The following FRAS1 variants were observed in gnomAD, a reference collection of about 807,000 sequenced individuals.
FRAS1 encodes Fraser extracellular matrix complex subunit 1, also known as extracellular matrix organizing protein FRAS1.
A neutral mutation model predicts 435.2 loss-of-function variants in FRAS1; 290 were observed. That is an observed-to-expected ratio of 0.67 (90% CI 0.61 to 0.73). The LOEUF (loss-of-function observed/expected upper bound fraction) is 0.73, where lower values mean the gene tolerates loss of function less well. Among genes scored for constraint, FRAS1 ranks in the 30% least tolerant of loss-of-function variants. The pLI is 0.00. For synonymous variants in FRAS1, 1,800 were observed against 1,851.0 expected (o/e 0.97, Z 0.71); for missense variants, 4,860 against 5,001.5 (o/e 0.97, Z 0.85).
chr4:78,526,547 C>G lies in FRAS1; in HGVS notation c.10815C>G (p.Asp3605Glu). 1 of 1,586,318 alleles carries G rather than the reference C, an allele frequency of 6.3e-7. No individual in the cohort carries two copies. The highest frequency in any genetic ancestry group is 1.2e-5 in the South Asian group (1 of 86,222). ...WRATSSYNRK[D>E]YSGEYTIYLI... ...CTGCTCTGCATGTTTCCAGGAAGGA[C>G]TACTCAGGAGAGTACACCATCTACC... Residue 3605 changes from aspartate to glutamate, a missense_variant, in exon 70 of 74, where the codon GAC (aspartate) becomes GAG (glutamate). Coordinates refer to ENST00000512123, the MANE Select transcript of FRAS1 (RefSeq NM_025074.7).
chr4:78,542,424 C>T lies in FRAS1; in HGVS notation c.*1300C>T, dbSNP rs1405324526. On this transcript the variant is annotated 3_prime_UTR_variant, in exon 74 of 74. Transcript: ENST00000512123. Reference sequence around the variant, plus strand: ...TCTGCCTTATTGGCGGAAACATAAGCGTGCATGCCATGTTGTTTTGAATTG... The same window carrying T: ...TCTGCCTTATTGGCGGAAACATAAGTGTGCATGCCATGTTGTTTTGAATTG... The T allele has an allele frequency of 6.6e-6, 1 of 152,548 alleles. No individual in the cohort carries two copies. The highest frequency in any genetic ancestry group is 2.1e-4 in the South Asian group (1 of 4,826). The allele number at this position is 152,548 out of a possible 1,614,324, so 9.4% of individuals were successfully genotyped here.
rs1432094463 is a variant in FRAS1, at chr4:78,475,420, C to T, written c.7683-18C>T. The T allele has an allele frequency of 6.2e-7, 1 of 1,613,754 alleles. No individual in the cohort carries two copies. ...CCATGGGGCATAGTTTAAGAGATGC[C>T]TTTTTGTGTGCTTCCAGCTACAATG... On this transcript the variant is annotated intron_variant, in intron 53 of 73. Transcript: ENST00000512123.
chr4:78,264,133 G>T (rs1195825391), intron 6 of FRAS1, among the ~76,000 whole-genome samples: 1 of 152,132 alleles, frequency 6.6e-6, no homozygotes, highest in Non-Finnish European at 1.5e-5. Flanking sequence ...CATTTCCTCT[G>T]CCTTTCATGT....
chr4:78,343,185 G>A (rs1311597449), intron 20 of FRAS1, among the ~76,000 whole-genome samples: 1 of 152,188 alleles, frequency 6.6e-6, no homozygotes, highest in Non-Finnish European at 1.5e-5. Context: ...AAATGCATAT[G>A]TGTGCTGTGA....
At chr4:78,482,698 A>T (rs1005645241) in intron 58 of FRAS1, among the ~76,000 whole-genome samples, 163 bp downstream of exon 58, 1 of 152,222 alleles carries the variant, frequency 6.6e-6, no homozygotes, top group African/African-American at 2.4e-5. Flanking sequence ...CAGAGTATGT[A>T]GATGTGAGAG....
intron 69 of FRAS1, among the ~76,000 whole-genome samples, chr4:78,524,860 AG>A (rs1307180539): frequency 2.6e-5 from 4 of 152,192 alleles, no homozygotes; most frequent in Non-Finnish European, 2.9e-5. Flanking sequence ...GAGCAGGGTA[AG>A]GGGAGACAGA....
At chr4:78,409,856 A>G (rs1733264564) in intron 31 of FRAS1, among the ~76,000 whole-genome samples, 1 of 152,212 alleles carries the variant, frequency 6.6e-6, no homozygotes, top group Non-Finnish European at 1.5e-5. Flanking sequence ...ATGATCATCC[A>G]TTCTGCTTCT....
intron 15 of FRAS1, among the ~76,000 whole-genome samples, chr4:78,311,108 A>ATAATAAATCAAAGCG (rs914244369): frequency 1.3e-5 from 2 of 152,230 alleles, no homozygotes; most frequent in Non-Finnish European, 2.9e-5. Context: ...TGCAGCTAAC[A>ATAATAAATCAAAGCG]TAATAAATCA....
rs533969293 is a variant in FRAS1 at position 78,163,170 on chromosome 4, C to T, written c.109-74340C>T. 5.3e-5 allele frequency among the ~76,000 whole-genome samples: 8 copies of T among 152,320 alleles called. No homozygotes were observed. The South Asian group carries it at 1.7e-3, about 32-fold the overall frequency. ...AAAGACATTGGTCTTTTAGTGGAGG[C>T]TGTTGGAACATTGCCAAACTCTTAT... On this transcript the variant is annotated intron_variant, in intron 2 of 73. Coordinates refer to ENST00000512123, the MANE Select transcript of FRAS1 (RefSeq NM_025074.7).
chr4:78,327,798 T>C (rs1021692368), intron 18 of FRAS1, among the ~76,000 whole-genome samples: 6 of 152,312 alleles, frequency 3.9e-5, no homozygotes, highest in East Asian at 3.9e-4. Context: ...TTCCACAGAA[T>C]GATTAAGCCT....
intron 24 of FRAS1, 125 bp downstream of exon 24, chr4:78,372,983 T>C (rs1731576402): frequency 9.5e-7 from 1 of 1,049,560 alleles, no homozygotes; most frequent in Admixed American, 2.7e-5. Context: ...CTGGTTTCTT[T>C]CCTAAGAGCT....
In FRAS1 at chr4:78,536,998, A is replaced by G. The variant is rs1721905790; in HGVS notation, c.11096A>G (p.Gln3699Arg). 6.2e-7 allele frequency: 1 copy of G among 1,613,614 alleles called. No individual in the cohort carries two copies. Among genetic ancestry groups the G allele is most frequent in the Non-Finnish European group, 8.5e-7 (1 of 1,179,602 alleles). ...MDYKGAFSKG[Q>R]ILYGRVLWNP... is the part of the protein sequence containing the mutation. ...TAATACCTTTCAATCTTTTCAGGTCAAATCCTTTATGGCCGAGTACTTTGG... is the reference window on the plus strand; with the variant it reads ...TAATACCTTTCAATCTTTTCAGGTCGAATCCTTTATGGCCGAGTACTTTGG... Residue 3699 changes from glutamine to arginine, a missense_variant, in exon 72 of 74, where the codon CAA (glutamine) becomes CGA (arginine). Transcript: ENST00000512123.
rs371333763 is a variant in FRAS1 at position 78,537,155 on chromosome 4, A to G, written c.11253A>G (p.Gly3751=). Residue 3751 remains glycine (G), a synonymous_variant, in exon 72 of 74, where the codon GGA becomes GGG. Transcript: ENST00000512123. The part of the protein sequence containing the change: ...GTIYNEGPQY[G]CIQPNKHLKH... ...TCTACAATGAAGGGCCCCAGTATGG[A>G]TGCATTCAGCCAAACAAACACCTAA... is the stretch of plus-strand genomic sequence containing the variant. The G allele has an allele frequency of 6.0e-5, 97 of 1,613,900 alleles. No individual in the cohort carries two copies. The highest frequency in any genetic ancestry group is 7.8e-5 in the Non-Finnish European group (92 of 1,179,898).
chr4:78,105,754 C>T (rs1194384280), intron 2 of FRAS1, among the ~76,000 whole-genome samples: 1 of 151,892 alleles, frequency 6.6e-6, no homozygotes, highest in African/African-American at 2.4e-5. Flanking sequence ...GCCAAGATGG[C>T]CGAATAGGAA....
At chr4:78,499,228 C>A (rs1720604236) in intron 60 of FRAS1, among the ~76,000 whole-genome samples, 1 of 151,822 alleles carries the variant, frequency 6.6e-6, no homozygotes, top group African/African-American at 2.4e-5. Flanking sequence ...AGGAGGGGGT[C>A]CAAAGGACCA....
intron 66 of FRAS1, among the ~76,000 whole-genome samples, chr4:78,518,740 A>G (rs1721295731): frequency 6.6e-6 from 1 of 152,180 alleles, no homozygotes; most frequent in Non-Finnish European, 1.5e-5. Flanking sequence ...GAAATTACTG[A>G]AGTACGTGCA....
chr4:78,122,093 C>T (rs967132365), intron 2 of FRAS1, among the ~76,000 whole-genome samples: 21 of 152,180 alleles, frequency 1.4e-4, no homozygotes, highest in Non-Finnish European at 2.9e-4. Flanking sequence ...CAGTCACCTG[C>T]ATTAGGTATT....
intron 26 of FRAS1, among the ~76,000 whole-genome samples, 165 bp downstream of exon 26, chr4:78,376,044 A>G (rs1221748821): frequency 1.3e-5 from 2 of 152,212 alleles, no homozygotes; most frequent in Admixed American, 1.3e-4. Flanking sequence ...TAGAATATGG[A>G]AAATTGGGAA....
At chr4:78,456,886 T>C (rs566199990) in intron 47 of FRAS1, among the ~76,000 whole-genome samples, 2 of 152,318 alleles carry the variant, frequency 1.3e-5, no homozygotes, top group South Asian at 4.1e-4. Context: ...TTATTCCCGG[T>C]AGAGCATATT....
Sources: gnomAD v4.1 joint callset for allele counts (sites outside exome capture counted in the v4.1 genomes callset) on GRCh38, gnomAD v4.1.1 for gene constraint, MANE v1.5 for transcripts, NCBI Gene and HGNC (gene_info 2026-07-23, HGNC 2026-07-21) for gene names.